TMEM217: variants seen among roughly 807,000 people sequenced by gnomAD.
TMEM217 encodes chromosome 6 open reading frame 128.
For synonymous variants in TMEM217, 76 were observed against 88.3 expected, an observed-to-expected ratio of 0.86 and a Z score of 0.78; for missense variants, 204 against 248.8, an observed-to-expected ratio of 0.82 and a Z score of 1.21.
exon 1 of TMEM217, chr6:37,258,117 T>C (rs1583510450): frequency 1.1e-6 from 1 of 921,568 alleles, no homozygotes; most frequent in Non-Finnish European, 1.6e-6. Context: ...GCAGGGCAGC[T>C]GTCAGGCAGC....
chr6:37,228,653 G>A (rs1763978303), intron 1 of TMEM217, among the ~76,000 whole-genome samples: 1 of 152,060 alleles, frequency 6.6e-6, no homozygotes, highest in African/African-American at 2.4e-5. Flanking sequence ...GCAGTGAGCC[G>A]AGATCGCGCC....
downstream of TMEM217, among the ~76,000 whole-genome samples, chr6:37,214,763 C>A (rs1763093883): frequency 6.6e-6 from 1 of 152,178 alleles, no homozygotes; most frequent in Non-Finnish European, 1.5e-5. Flanking sequence ...ACTTTATTCT[C>A]CACCATCCTC....
At chr6:37,218,316 G>T in exon 2 of TMEM217, 1 of 1,158,668 alleles carries the variant, frequency 8.6e-7, no homozygotes, top group Non-Finnish European at 1.2e-6. Context: ...TTACAGGTGT[G>T]TGCCGCCACG....
intron 1 of TMEM217, among the ~76,000 whole-genome samples, chr6:37,221,920 C>T (rs1255371580): frequency 1.3e-5 from 2 of 152,204 alleles, no homozygotes; most frequent in African/African-American, 4.8e-5. Flanking sequence ...CTCCTCTATG[C>T]AGCTGATAGT....
chr6:37,217,934 A>G (rs1438667835), exon 2 of TMEM217: 59 of 986,294 alleles, frequency 6.0e-5, no homozygotes, highest in Middle Eastern at 5.2e-4. Flanking sequence ...GATAAATCAC[A>G]ATATCCTTTA....
chr6:37,234,835 G>C (rs900469102), intron 1 of TMEM217, among the ~76,000 whole-genome samples: 2 of 152,128 alleles, frequency 1.3e-5, no homozygotes, highest in African/African-American at 4.8e-5. Context: ...GGTTACCTGT[G>C]AAAAGTATGA....
intron 1 of TMEM217, among the ~76,000 whole-genome samples, chr6:37,228,430 G>T (rs893081593): frequency 1.3e-5 from 2 of 152,236 alleles, no homozygotes; most frequent in East Asian, 3.8e-4. Flanking sequence ...AAGGCCAGGC[G>T]TGATGGCTCA....
At chr6:37,215,211 A>T (rs774629916), downstream of TMEM217, 1 of 1,613,876 alleles carries the variant, frequency 6.2e-7, no homozygotes, top group Non-Finnish European at 8.5e-7. Context: ...GCAGACATCT[A>T]TTGTGTATCT....
chr6:37,241,446 T>C (rs1264713650), intron 1 of TMEM217, among the ~76,000 whole-genome samples: 1 of 152,154 alleles, frequency 6.6e-6, no homozygotes, highest in Non-Finnish European at 1.5e-5. Context: ...GACTGGACCC[T>C]GAGCACTAGG....
At chr6:37,215,376 A>C (rs957937932), downstream of TMEM217, 7 of 1,425,820 alleles carry the variant, frequency 4.9e-6, 1 homozygote, top group Middle Eastern at 7.5e-4. Context: ...GGAGTTCAAG[A>C]CCAGTCTAGC....
chr6:37,227,595 C>T (rs1763911138), intron 1 of TMEM217, among the ~76,000 whole-genome samples: 2 of 152,000 alleles, frequency 1.3e-5, no homozygotes, highest in Admixed American at 6.6e-5. Context: ...TACAGGCGCA[C>T]ACCACCATGC....
At chr6:37,255,330 T>C (rs1554181337) in intron 1 of TMEM217, among the ~76,000 whole-genome samples, 1 of 152,062 alleles carries the variant, frequency 6.6e-6, no homozygotes, top group Non-Finnish European at 1.5e-5. Context: ...CCAAGTACAA[T>C]GGGGGCCATT....
chr6:37,214,152 T>C (rs1763060779), downstream of TMEM217, among the ~76,000 whole-genome samples: 3 of 152,224 alleles, frequency 2.0e-5, no homozygotes, highest in Admixed American at 6.5e-5. Context: ...CCTTTTTGAA[T>C]GTGCAATTCA....
At chr6:37,213,711 G>A (rs1400831744), downstream of TMEM217, among the ~76,000 whole-genome samples, 1 of 152,234 alleles carries the variant, frequency 6.6e-6, no homozygotes, top group African/African-American at 2.4e-5. Flanking sequence ...CCTGGTGCCC[G>A]AGCCGACCCT....
Position 37,229,335 on chromosome 6 carries a change from G to GTTTTTTTTTTTT in TMEM217, c.-11-10306_-11-10295dup, listed in dbSNP as rs372385535. On this transcript the variant is annotated intron_variant, in intron 1 of 1. Coordinates refer to ENST00000357219, the Ensembl canonical transcript of TMEM217. ...TGACTCGTCTCCCTAGCAACTTTCA[G>GTTTTTTTTTTTT]TTTTTTTTTTTTTTTTTTTTTTTTT... 3.5e-4 allele frequency among the ~76,000 whole-genome samples: 26 copies of GTTTTTTTTTTTT among 74,364 alleles called. 3 individuals are homozygous for GTTTTTTTTTTTT. The highest frequency in any genetic ancestry group is 0.034 in the Middle Eastern group (2 of 58). 48.8% of individuals were successfully genotyped at this position (74,364 alleles called of 152,430 possible). A position where few individuals can be genotyped will look rare whatever the true frequency, so the allele number is the denominator to read the frequency against.
intron 1 of TMEM217, among the ~76,000 whole-genome samples, chr6:37,244,738 T>C (rs762058307): frequency 1.4e-4 from 21 of 152,226 alleles, no homozygotes; most frequent in Admixed American, 4.6e-4. Context: ...ATGTATTTAA[T>C]ACACAAGTTT....
rs1583432977 is a variant in TMEM217, at chr6:37,219,111, C to T, written c.-11-70G>A. On this transcript the variant is annotated intron_variant, in intron 1 of 1. Transcript: ENST00000357219. ...CATGGTAAATTACCAGGGTTTCTGCCTCCTTCCCCAAATCTACTTTGGAGA... is the reference window on the plus strand; with the variant it reads ...CATGGTAAATTACCAGGGTTTCTGCTTCCTTCCCCAAATCTACTTTGGAGA... 7.3e-6 allele frequency: 10 copies of T among 1,365,176 alleles called. No homozygotes were observed. In the East Asian group the frequency reaches 2.3e-4, roughly 31 times the overall value. 84.6% of individuals were successfully genotyped at this position (1,365,176 alleles called of 1,614,324 possible).
At chr6:37,221,473 C>G (rs1763520750) in intron 1 of TMEM217, among the ~76,000 whole-genome samples, 1 of 152,154 alleles carries the variant, frequency 6.6e-6, no homozygotes, top group Admixed American at 6.5e-5. Flanking sequence ...AGGGGTGAGC[C>G]ACCCCACCTG....
At chr6:37,218,956 G>A (rs1442537170) in exon 2 of TMEM217, 3 of 1,614,166 alleles carry the variant, frequency 1.9e-6, no homozygotes, top group African/African-American at 1.3e-5. Flanking sequence ...ACATGTCTAC[G>A]GCCATGATGG....
Sources: gnomAD v4.1 joint callset for allele counts (sites outside exome capture counted in the v4.1 genomes callset) on GRCh38, gnomAD v4.1.1 for gene constraint, MANE v1.5 for transcripts, NCBI Gene and HGNC (gene_info 2026-07-23, HGNC 2026-07-21) for gene names.